LURAP1L: variants seen among roughly 807,000 people sequenced by gnomAD.
LURAP1L encodes the protein leucine rich adaptor protein 1 like.
In LURAP1L, 12 loss-of-function variants were observed where a neutral mutation model predicts 13.8. That is an observed-to-expected ratio of 0.87 (90% CI 0.56 to 1.41). The LOEUF is 1.41. Among genes scored for constraint, LURAP1L ranks in the 40% most tolerant of loss-of-function variants. The pLI, the probability that LURAP1L is intolerant of heterozygous loss-of-function variation, is 0.00. For missense variants in LURAP1L, 375 were observed against 292.9 expected (o/e 1.28, Z -2.04); for synonymous variants, 139 against 119.2 (o/e 1.17, Z -1.08).
intron 1 of LURAP1L, among the ~76,000 whole-genome samples, chr9:12,785,632 T>C (rs1586876009): frequency 6.6e-6 from 1 of 152,214 alleles, no homozygotes; most frequent in South Asian, 2.1e-4. Context: ...TGCTTTGCAC[T>C]GTGACAGTTA....
At chr9:12,803,083 G>T (rs1586883157) in intron 1 of LURAP1L, among the ~76,000 whole-genome samples, 1 of 152,242 alleles carries the variant, frequency 6.6e-6, no homozygotes, top group East Asian at 1.9e-4. Flanking sequence ...TCTTCATTCA[G>T]CATATGTTTA....
intron 1 of LURAP1L, among the ~76,000 whole-genome samples, chr9:12,803,925 C>G (rs1819621011): frequency 6.6e-6 from 1 of 152,152 alleles, no homozygotes; most frequent in Non-Finnish European, 1.5e-5. Context: ...CCTGCATCAT[C>G]ACAATATTCA....
At chr9:12,779,166 T>C (rs968247734) in intron 1 of LURAP1L, among the ~76,000 whole-genome samples, 11 of 151,958 alleles carry the variant, frequency 7.2e-5, no homozygotes, top group African/African-American at 2.4e-4. Flanking sequence ...TAGATAAGGG[T>C]GTACTACTAC....
At chr9:12,781,806 T>C (rs1819275704) in intron 1 of LURAP1L, among the ~76,000 whole-genome samples, 2 of 152,206 alleles carry the variant, frequency 1.3e-5, no homozygotes, top group African/African-American at 4.8e-5. Context: ...ATATTAGTTC[T>C]AATTTTATTT....
At chr9:12,777,910 T>G (rs10809841) in intron 1 of LURAP1L, among the ~76,000 whole-genome samples, 1 of 152,162 alleles carries the variant, frequency 6.6e-6, no homozygotes, top group East Asian at 1.9e-4. Context: ...CACAATTAGT[T>G]TTTTTTTATA....
chr9:12,814,954 G>A (rs1422147032), intron 1 of LURAP1L, among the ~76,000 whole-genome samples: 1 of 152,180 alleles, frequency 6.6e-6, no homozygotes, highest in East Asian at 1.9e-4. Flanking sequence ...AACTGACTGA[G>A]AAAGTGAAAG....
At chr9:12,795,009 C>G (rs186810725) in intron 1 of LURAP1L, among the ~76,000 whole-genome samples, 1 of 151,764 alleles carries the variant, frequency 6.6e-6, no homozygotes, top group African/African-American at 2.4e-5. Context: ...TCTCAGAGGT[C>G]CCATGGTCTG....
chr9:12,819,947 G>A (rs970672899), intron 1 of LURAP1L, among the ~76,000 whole-genome samples: 21 of 151,846 alleles, frequency 1.4e-4, no homozygotes, highest in African/African-American at 5.1e-4. Context: ...GAGTGAGACT[G>A]TCTCAAAAAA....
intron 1 of LURAP1L, among the ~76,000 whole-genome samples, chr9:12,811,514 C>G (rs7049208): frequency 0.33 from 50,809 of 151,994 alleles, 9,277 homozygotes; most frequent in African/African-American, 0.47. Context: ...TTTCAATAAT[C>G]ACCTTCAGTT....
In LURAP1L at chr9:12,822,597, G is replaced by A. The variant is rs1027048465; in HGVS notation, c.*837G>A. Among the ~76,000 whole-genome samples the A allele has an allele frequency of 2.6e-5, 4 of 152,136 alleles. No individual in the cohort carries two copies. Among genetic ancestry groups the A allele is most frequent in the Admixed American group, 1.3e-4 (2 of 15,270 alleles). On this transcript the variant is annotated 3_prime_UTR_variant, in exon 2 of 2. Coordinates refer to ENST00000319264, the MANE Select transcript of LURAP1L (RefSeq NM_203403.2). Reference sequence around the variant, plus strand: ...TGTATAAATACTTAGATGCATACAAGCCGATGGATAGAAAGACAGATAAAT... The same window carrying A: ...TGTATAAATACTTAGATGCATACAAACCGATGGATAGAAAGACAGATAAAT...
chr9:12,811,781 A>G (rs562111620), intron 1 of LURAP1L, among the ~76,000 whole-genome samples: 22 of 152,316 alleles, frequency 1.4e-4, no homozygotes, highest in Admixed American at 4.6e-4. Context: ...TTAAAACAGC[A>G]AACATGTATT....
intron 1 of LURAP1L, among the ~76,000 whole-genome samples, chr9:12,809,215 G>A (rs765656551): frequency 5.3e-5 from 8 of 152,170 alleles, no homozygotes; most frequent in Admixed American, 2.6e-4. Flanking sequence ...TAGCATTGGG[G>A]ATCACATTTC....
intron 1 of LURAP1L, among the ~76,000 whole-genome samples, chr9:12,817,535 A>G (rs973283278): frequency 1.3e-5 from 2 of 152,196 alleles, no homozygotes; most frequent in Non-Finnish European, 2.9e-5. Flanking sequence ...TAATCAAGGC[A>G]TGGGTATTGC....
intron 1 of LURAP1L, among the ~76,000 whole-genome samples, chr9:12,815,675 T>C (rs1308212212): frequency 2.0e-5 from 3 of 152,012 alleles, no homozygotes; most frequent in African/African-American, 7.2e-5. Flanking sequence ...CATTCATAAA[T>C]AAAAGGGTAA....
At chr9:12,786,547 C>CTATATATATATATATATATAT (rs1554657226) in intron 1 of LURAP1L, among the ~76,000 whole-genome samples, 5 of 53,006 alleles carry the variant, frequency 9.4e-5, no homozygotes, top group Non-Finnish European at 1.3e-4. Flanking sequence ...ATATATATGA[C>CTATATATATATATATATATAT]ATATATATAT....
chr9:12,776,143 C>A (rs1205754929), intron 1 of LURAP1L, 116 bp downstream of exon 1: 4 of 1,088,408 alleles, frequency 3.7e-6, no homozygotes, highest in Admixed American at 2.5e-5. Flanking sequence ...GAGCGCTGGG[C>A]GCGTGGGAAA....
intron 1 of LURAP1L, among the ~76,000 whole-genome samples, chr9:12,788,020 G>C (rs1458383103): frequency 6.6e-6 from 1 of 151,928 alleles, no homozygotes; most frequent in African/African-American, 2.4e-5. Context: ...GCTGAAGCAG[G>C]AGAATTGCAT....
chr9:12,810,041 G>T (rs1586885790), intron 1 of LURAP1L, among the ~76,000 whole-genome samples: 1 of 152,128 alleles, frequency 6.6e-6, no homozygotes, highest in East Asian at 1.9e-4. Context: ...TGTTGATCAG[G>T]CTTTGGTAAA....
chr9:12,783,021 G>T (rs777690310), intron 1 of LURAP1L, among the ~76,000 whole-genome samples: 2 of 151,902 alleles, frequency 1.3e-5, no homozygotes, highest in East Asian at 1.9e-4. Context: ...ATTGTTTGCC[G>T]TTGGCATATA....
Sources: allele counts gnomAD v4.1 joint callset (sites outside exome capture counted in the v4.1 genomes callset), GRCh38; gene constraint gnomAD v4.1.1; transcripts MANE v1.5; gene names NCBI Gene and HGNC (gene_info 2026-07-23, HGNC 2026-07-21).